Variants in IGF1 observed in about 807,000 individuals in gnomAD.
IGF1 encodes insulin-like growth factor 1.
IGF1 carries 4 observed loss-of-function variants against 13.8 expected under a neutral mutation model. That is an observed-to-expected ratio of 0.29 (90% CI 0.14 to 0.66). The LOEUF (loss-of-function observed/expected upper bound fraction) is 0.66, where lower values mean the gene tolerates loss of function less well. IGF1 is among the 30% of genes least tolerant of loss of function. The pLI is 0.78. For synonymous variants in IGF1, 76 were observed against 72.6 expected, an observed-to-expected ratio of 1.05 and a Z score of -0.23; for missense variants, 124 against 188.5, an observed-to-expected ratio of 0.66 and a Z score of 2.00.
chr12:102,440,479 A>G (rs5742659), intron 2 of IGF1, among the ~76,000 whole-genome samples: 5,238 of 152,318 alleles, frequency 0.034, 338 homozygotes, highest in African/African-American at 0.12. Flanking sequence ...AACTTGGAAG[A>G]CCAAATGATT....
intron 3 of IGF1, among the ~76,000 whole-genome samples, chr12:102,407,873 CT>C (rs918637587): frequency 1.3e-5 from 2 of 152,112 alleles, no homozygotes; most frequent in African/African-American, 2.4e-5. Context: ...TTATAACCCC[CT>C]TTTTTTCCTC....
chr12:102,469,209 A>T (rs1223030191), intron 2 of IGF1, among the ~76,000 whole-genome samples: 1 of 152,194 alleles, frequency 6.6e-6, no homozygotes, highest in Non-Finnish European at 1.5e-5. Flanking sequence ...TGCCTGGATT[A>T]TGGTGTCTGT....
Position 102,400,540 on chromosome 12 carries a change from T to C in IGF1, c.*1967A>G, listed in dbSNP as rs148038954. On this transcript the variant is annotated 3_prime_UTR_variant, in exon 4 of 4. Transcript: ENST00000337514. ...TTCAACTGGAAACTCTAGTCAAGCA[T>C]ATTTTAACAAACTTTTAAAAAAATG... 9 of 152,194 alleles carry C rather than the reference T, an allele frequency of 5.9e-5. No homozygotes were observed. Among genetic ancestry groups the C allele is most frequent in the Non-Finnish European group, 1.2e-4 (8 of 68,016 alleles). 9.4% of individuals were successfully genotyped at this position (152,194 alleles called of 1,614,324 possible). A position where few individuals can be genotyped will look rare whatever the true frequency, so the allele number is the denominator to read the frequency against.
intron 2 of IGF1, among the ~76,000 whole-genome samples, chr12:102,436,227 CTTT>C (rs1423744430): frequency 2.6e-5 from 4 of 152,138 alleles, no homozygotes; most frequent in Admixed American, 2.0e-4. Context: ...AGTCTGTGTC[CTTT>C]TGAATTCCAG....
At chr12:102,436,778 C>T (rs1193277688) in intron 2 of IGF1, among the ~76,000 whole-genome samples, 1 of 152,226 alleles carries the variant, frequency 6.6e-6, no homozygotes, top group Non-Finnish European at 1.5e-5. Context: ...ATCAATCTCA[C>T]TGAGGAAACA....
chr12:102,475,295 C>T (rs368161504), intron 2 of IGF1, among the ~76,000 whole-genome samples: 8 of 152,104 alleles, frequency 5.3e-5, no homozygotes, highest in Middle Eastern at 3.4e-3. Context: ...TTTATATGTG[C>T]GCCCATAGGT....
Position 102,399,201 on chromosome 12 carries a change from C to T in IGF1, c.*3306G>A, listed in dbSNP as rs763153111. 5.3e-5 allele frequency: 8 copies of T among 150,774 alleles called. No individual in the cohort carries two copies. Among genetic ancestry groups the T allele is most frequent in the Non-Finnish European group, 1.5e-5 (1 of 67,712 alleles). 9.3% of individuals were successfully genotyped at this position (150,774 alleles called of 1,614,324 possible). On this transcript the variant is annotated 3_prime_UTR_variant, in exon 4 of 4. Coordinates refer to ENST00000337514, the MANE Select transcript of IGF1 (RefSeq NM_000618.5). ...TTTCATATCCCTAGAAGAGTGGATT[C>T]TGATGGAGAGCTGCATTAACTTTTT...
chr12:102,407,464 T>C (rs1216942632), intron 3 of IGF1, among the ~76,000 whole-genome samples: 1 of 152,232 alleles, frequency 6.6e-6, no homozygotes, highest in Non-Finnish European at 1.5e-5. Context: ...TAAGTACTAC[T>C]GTCTTGACTG....
intron 2 of IGF1, among the ~76,000 whole-genome samples, chr12:102,458,282 C>T (rs538359351): frequency 3.0e-4 from 45 of 152,238 alleles, no homozygotes; most frequent in African/African-American, 8.9e-4. Context: ...CTCAGCCCAG[C>T]CCCCAGGAAT....
chr12:102,465,397 C>T (rs1324813606), intron 2 of IGF1, among the ~76,000 whole-genome samples: 1 of 152,136 alleles, frequency 6.6e-6, no homozygotes. Context: ...CTATGTAAGG[C>T]TCAAGGACGT....
At chr12:102,460,851 A>C (rs1879842320) in intron 2 of IGF1, among the ~76,000 whole-genome samples, 1 of 152,230 alleles carries the variant, frequency 6.6e-6, no homozygotes, top group South Asian at 2.1e-4. Context: ...TATCCTTGTC[A>C]AGAATATAGA....
intron 3 of IGF1, among the ~76,000 whole-genome samples, chr12:102,413,909 G>A (rs1874862257): frequency 6.6e-6 from 1 of 152,104 alleles, no homozygotes; most frequent in Non-Finnish European, 1.5e-5. Context: ...GGGTTGGAAT[G>A]GTTCTTAGGT....
rs918611651 is a variant in IGF1, at chr12:102,399,849, G to A, written c.*2658C>T. On this transcript the variant is annotated 3_prime_UTR_variant, in exon 4 of 4. Coordinates refer to ENST00000337514, the MANE Select transcript of IGF1 (RefSeq NM_000618.5). ...TGTTGAGAGGGAATAATTTTAAAAG[G>A]TACACACTGGGGACAAGAAATAAAA... 1 of 152,186 alleles carries A rather than the reference G, an allele frequency of 6.6e-6. No homozygotes were observed. Among genetic ancestry groups the A allele is most frequent in the African/African-American group, 2.4e-5 (1 of 41,456 alleles). 9.4% of individuals were successfully genotyped at this position (152,186 alleles called of 1,614,324 possible).
intron 2 of IGF1, among the ~76,000 whole-genome samples, chr12:102,461,918 T>A (rs1291500464): frequency 6.6e-6 from 1 of 152,224 alleles, no homozygotes; most frequent in Non-Finnish European, 1.5e-5. Flanking sequence ...TCTTATCAAA[T>A]GTGAGCCACG....
intron 2 of IGF1, among the ~76,000 whole-genome samples, chr12:102,441,930 T>TCTTCTTCTTCTTCTTCTCCTTCTC (rs1877822952): frequency 7.6e-6 from 1 of 131,800 alleles, no homozygotes; most frequent in African/African-American, 2.8e-5. Context: ...TTCTTCTTCT[T>TCTTCTTCTTCTTCTTCTCCTTCTC]CTTCTTCTTC....
At chr12:102,404,204 G>T (rs1171646616) in intron 3 of IGF1, among the ~76,000 whole-genome samples, 2 of 152,138 alleles carry the variant, frequency 1.3e-5, no homozygotes, top group African/African-American at 4.8e-5. Context: ...CATGAGACCT[G>T]GAATCTGTAA....
chr12:102,462,832 C>T (rs1171468911), intron 2 of IGF1: 6 of 152,304 alleles, frequency 3.9e-5, no homozygotes, highest in East Asian at 3.9e-4. Context: ...AACTGGCAGT[C>T]GCATCCATGT....
At chr12:102,457,891 C>T (rs1879548085) in intron 2 of IGF1, among the ~76,000 whole-genome samples, 2 of 152,108 alleles carry the variant, frequency 1.3e-5, no homozygotes, top group African/African-American at 2.4e-5. Context: ...TGTTCATGAA[C>T]GTTAGTTTTC....
At chr12:102,438,476 T>G (rs1176557613) in intron 2 of IGF1, among the ~76,000 whole-genome samples, 4 of 152,224 alleles carry the variant, frequency 2.6e-5, no homozygotes, top group African/African-American at 9.6e-5. Flanking sequence ...CTATTCAAGA[T>G]GGTCGAGGAA....
Sources: gnomAD v4.1 joint callset for allele counts (sites outside exome capture counted in the v4.1 genomes callset) on GRCh38, gnomAD v4.1.1 for gene constraint, MANE v1.5 for transcripts, NCBI Gene and HGNC (gene_info 2026-07-23, HGNC 2026-07-21) for gene names.